Variants in MYO5B observed in about 807,000 individuals in gnomAD.
MYO5B encodes the protein unconventional myosin-Vb.
MYO5B carries 143 observed loss-of-function variants against 229.3 expected under a neutral mutation model. The ratio of observed to expected loss-of-function variants is 0.62; its 90% confidence interval spans 0.54 to 0.72. The LOEUF (loss-of-function observed/expected upper bound fraction) is 0.72, where lower values mean the gene tolerates loss of function less well. Among genes scored for constraint, MYO5B ranks in the 30% least tolerant of loss-of-function variants. The pLI, the probability that MYO5B is intolerant of heterozygous loss-of-function variation, is 0.00. For missense variants in MYO5B, 2,321 were observed against 2,331.0 expected, an observed-to-expected ratio of 1.00 and a Z score of 0.09; for synonymous variants, 918 against 885.2, an observed-to-expected ratio of 1.04 and a Z score of -0.66.
chr18:49,915,400 A>G (rs1437036894), intron 17 of MYO5B, among the ~76,000 whole-genome samples: 1 of 152,190 alleles, frequency 6.6e-6, no homozygotes, highest in Non-Finnish European at 1.5e-5. Context: ...AGGGAACAAG[A>G]GCCCGTATTC....
intron 7 of MYO5B, among the ~76,000 whole-genome samples, chr18:49,988,358 T>C (rs1398159065): frequency 6.6e-6 from 1 of 152,100 alleles, no homozygotes; most frequent in Non-Finnish European, 1.5e-5. Context: ...TGTCAAAGGC[T>C]CTTGTTTCAC....
At chr18:50,145,694 C>G (rs1697157309) in intron 1 of MYO5B, among the ~76,000 whole-genome samples, 1 of 152,054 alleles carries the variant, frequency 6.6e-6, no homozygotes, top group Admixed American at 6.5e-5. Context: ...AAAGATTATT[C>G]AAACAGCTCT....
At chr18:50,093,869 A>C (rs1409090049) in intron 1 of MYO5B, among the ~76,000 whole-genome samples, 1 of 152,198 alleles carries the variant, frequency 6.6e-6, no homozygotes, top group Non-Finnish European at 1.5e-5. Context: ...ATGGTCTAAA[A>C]AGGGGATGAA....
At position 49,936,357 on chromosome 18, in the gene MYO5B, G is replaced by A. The variant is rs1390712230; in HGVS notation, c.1906-8C>T. 2 of 1,577,820 alleles carry A rather than the reference G, an allele frequency of 1.3e-6. No individual in the cohort carries two copies. Among genetic ancestry groups the A allele is most frequent in the Non-Finnish European group, 1.7e-6 (2 of 1,157,620 alleles). ...ATGCAGGGAGGTACGGAACTAGAGA[G>A]ACAAAAGCCAGTGCTTGGTTAGTTT... On this transcript the variant is annotated splice_region_variant and splice_polypyrimidine_tract_variant and intron_variant, in intron 15 of 39. Transcript: ENST00000285039.
chr18:50,062,643 A>T (rs2030717081), intron 1 of MYO5B, among the ~76,000 whole-genome samples: 1 of 152,202 alleles, frequency 6.6e-6, no homozygotes, highest in Non-Finnish European at 1.5e-5. Context: ...CTCCCAGTAG[A>T]ACTCACAATC....
At chr18:50,032,557 G>A (rs2026401459) in intron 4 of MYO5B, among the ~76,000 whole-genome samples, 1 of 152,090 alleles carries the variant, frequency 6.6e-6, no homozygotes, top group African/African-American at 2.4e-5. Flanking sequence ...TCCCTTTTAT[G>A]GCCAATAATA....
At chr18:49,894,704 G>A (rs1270656406) in intron 22 of MYO5B, among the ~76,000 whole-genome samples, 1 of 152,234 alleles carries the variant, frequency 6.6e-6, no homozygotes, top group Non-Finnish European at 1.5e-5. Context: ...CAGACACCAT[G>A]TGCCCCTCCC....
At chr18:50,037,473 A>C (rs2029882943) in intron 3 of MYO5B, among the ~76,000 whole-genome samples, 2 of 152,204 alleles carry the variant, frequency 1.3e-5, no homozygotes, top group African/African-American at 2.4e-5. Context: ...ATATCTTGAG[A>C]TCTAATCTTG....
intron 26 of MYO5B, among the ~76,000 whole-genome samples, chr18:49,873,073 A>T (rs558074812): frequency 5.3e-5 from 8 of 152,296 alleles, no homozygotes; most frequent in Admixed American, 1.3e-4. Flanking sequence ...GGTAGTAGAG[A>T]TGGCCCACAA....
intron 5 of MYO5B, among the ~76,000 whole-genome samples, chr18:49,997,984 C>T (rs565445929): frequency 2.6e-5 from 4 of 152,330 alleles, no homozygotes; most frequent in Middle Eastern, 3.4e-3. Context: ...GGTTATAACA[C>T]TCTGAGCAGC....
rs568756313 is a variant in MYO5B at position 49,940,401 on chromosome 18, T to A, written c.1753-3004A>T. Among the ~76,000 whole-genome samples the A allele has an allele frequency of 3.3e-5, 5 of 152,260 alleles. No individual in the cohort carries two copies. In the South Asian group the frequency reaches 1.0e-3, roughly 32 times the overall value. ...GTTCTCAGAACCTGTCAGATTCAGG[T>A]GACTTCGCACACTCAAAGGCAGTTT... On this transcript the variant is annotated intron_variant, in intron 14 of 39. Transcript: ENST00000285039.
chr18:49,968,170 G>T (rs1813138052), intron 10 of MYO5B, among the ~76,000 whole-genome samples: 2 of 152,150 alleles, frequency 1.3e-5, no homozygotes, highest in South Asian at 4.1e-4. Context: ...AATAGAAATT[G>T]TATGTGTTGT....
intron 1 of MYO5B, among the ~76,000 whole-genome samples, chr18:50,115,118 T>C (rs545232480): frequency 6.6e-6 from 1 of 152,318 alleles, no homozygotes; most frequent in African/African-American, 2.4e-5. Context: ...ACACTGTGCC[T>C]TCCTCCTCTC....
chr18:49,883,050 C>G (rs1001254464), intron 22 of MYO5B, among the ~76,000 whole-genome samples: 1 of 152,200 alleles, frequency 6.6e-6, no homozygotes, highest in Non-Finnish European at 1.5e-5. Flanking sequence ...ACATCCTCAA[C>G]CTGATAAAAA....
chr18:50,081,374 T>C (rs755718330), intron 1 of MYO5B, among the ~76,000 whole-genome samples: 1 of 152,132 alleles, frequency 6.6e-6, no homozygotes, highest in African/African-American at 2.4e-5. Flanking sequence ...AATAACCAGC[T>C]AACAGCCAAC....
At chr18:49,993,626 G>A (rs942429775) in intron 5 of MYO5B, among the ~76,000 whole-genome samples, 1 of 152,096 alleles carries the variant, frequency 6.6e-6, no homozygotes, top group South Asian at 2.1e-4. Context: ...ACCACCCTCC[G>A]AGTATAGAGG....
At chr18:50,137,812 G>C (rs2032357507) in intron 1 of MYO5B, among the ~76,000 whole-genome samples, 1 of 152,162 alleles carries the variant, frequency 6.6e-6, no homozygotes, top group African/African-American at 2.4e-5. Flanking sequence ...TGAAAATTGA[G>C]ATCACGTCTT....
intron 1 of MYO5B, among the ~76,000 whole-genome samples, chr18:50,150,676 A>T (rs898206881): frequency 6.6e-6 from 1 of 152,248 alleles, no homozygotes; most frequent in East Asian, 1.9e-4. Context: ...CACTCTGGGG[A>T]CTGTTGTGGG....
chr18:49,834,390 C>G (rs993125951), intron 39 of MYO5B, among the ~76,000 whole-genome samples: 3 of 152,164 alleles, frequency 2.0e-5, no homozygotes, highest in African/African-American at 4.8e-5. Context: ...TATGTCTCCC[C>G]TGAGGTGCTC....
Sources: allele counts gnomAD v4.1 joint callset (sites outside exome capture counted in the v4.1 genomes callset), GRCh38; gene constraint gnomAD v4.1.1; transcripts MANE v1.5; gene names NCBI Gene and HGNC (gene_info 2026-07-23, HGNC 2026-07-21).